MYO16: variants seen among roughly 807,000 people sequenced by gnomAD.
The protein encoded by MYO16 is unconventional myosin-XVI.
Under a neutral mutation model 205.3 loss-of-function variants are expected in MYO16, and 94 were observed. The observed-to-expected ratio is 0.46, with a 90% CI of 0.39 to 0.54. MYO16 has a LOEUF of 0.54. Ranked by LOEUF, MYO16 falls within the 20% of genes least tolerant of loss-of-function variation. MYO16 has a pLI of 0.00. For synonymous variants in MYO16, 988 were observed against 954.0 expected (o/e 1.04, Z -0.66); for missense variants, 2,315 against 2,387.5 (o/e 0.97, Z 0.63).
intron 21 of MYO16, among the ~76,000 whole-genome samples, chr13:109,000,610 C>T (rs919726851): frequency 1.3e-5 from 2 of 151,978 alleles, no homozygotes; most frequent in African/African-American, 2.4e-5. Context: ...TATTACTAAA[C>T]AAGAAAACAA....
chr13:108,853,135 A>G (rs561516986), intron 10 of MYO16, among the ~76,000 whole-genome samples: 1 of 152,308 alleles, frequency 6.6e-6, no homozygotes, highest in South Asian at 2.1e-4. Flanking sequence ...AGGCAGCATC[A>G]CTTCTATGGT....
chr13:109,003,740 T>C (rs1389871805), intron 21 of MYO16, among the ~76,000 whole-genome samples: 1 of 152,162 alleles, frequency 6.6e-6, no homozygotes, highest in Non-Finnish European at 1.5e-5. Context: ...ACAATTACAG[T>C]ATCTGTTTTC....
upstream of MYO16, among the ~76,000 whole-genome samples, chr13:108,628,483 A>G (rs1043679143): frequency 1.3e-5 from 2 of 152,188 alleles, no homozygotes; most frequent in East Asian, 3.9e-4. Context: ...TTTCACATGC[A>G]TAGATGAGGA....
intron 6 of MYO16, among the ~76,000 whole-genome samples, chr13:108,802,220 T>C (rs1021214515): frequency 6.6e-6 from 1 of 152,154 alleles, no homozygotes; most frequent in African/African-American, 2.4e-5. Context: ...TTCGAACCCT[T>C]CGACCAACAA....
intron 4 of MYO16, among the ~76,000 whole-genome samples, chr13:108,780,626 C>T (rs78130216): frequency 0.011 from 1,671 of 152,198 alleles, 28 homozygotes; most frequent in African/African-American, 0.038. Flanking sequence ...AAAGAATTGC[C>T]GTACAAATTA....
chr13:108,596,564 T>A (rs1037412487), intron 1 of MYO16, among the ~76,000 whole-genome samples: 3 of 152,224 alleles, frequency 2.0e-5, no homozygotes, highest in Non-Finnish European at 2.9e-5. Flanking sequence ...AAAGTGATTT[T>A]TTTCAGGTAT....
chr13:108,830,897 A>G (rs987389159), intron 9 of MYO16, among the ~76,000 whole-genome samples: 8 of 152,178 alleles, frequency 5.3e-5, no homozygotes, highest in African/African-American at 1.4e-4. Context: ...AGAACTGTCT[A>G]TTCAGTCCAT....
upstream of MYO16, among the ~76,000 whole-genome samples, chr13:108,593,018 G>C (rs549699991): frequency 6.6e-6 from 1 of 151,986 alleles, no homozygotes; most frequent in African/African-American, 2.4e-5. Context: ...CCTAGTGTTC[G>C]TCCCTGTGAG....
intron 16 of MYO16, among the ~76,000 whole-genome samples, chr13:108,928,431 CATATA>C (rs1882106560): frequency 6.6e-6 from 1 of 152,146 alleles, no homozygotes; most frequent in Admixed American, 6.5e-5. Flanking sequence ...TGTATAATTA[CATATA>C]ATAAAATGGT....
At chr13:108,602,274 C>A (rs957082794) in intron 1 of MYO16, among the ~76,000 whole-genome samples, 2 of 152,038 alleles carry the variant, frequency 1.3e-5, no homozygotes, top group African/African-American at 4.8e-5. Context: ...GACTGAGGCA[C>A]CACCCACACA....
intron 27 of MYO16, among the ~76,000 whole-genome samples, chr13:109,080,513 A>G (rs1888250003): frequency 6.6e-6 from 1 of 151,992 alleles, no homozygotes; most frequent in Non-Finnish European, 1.5e-5. Flanking sequence ...TAATGACCAC[A>G]TGGTCAAAAA....
chr13:108,670,638 A>C (rs1306891783), intron 2 of MYO16, among the ~76,000 whole-genome samples: 1 of 152,218 alleles, frequency 6.6e-6, no homozygotes, highest in Admixed American at 6.5e-5. Flanking sequence ...AAGATATAAA[A>C]AATAAGAACT....
intron 32 of MYO16, among the ~76,000 whole-genome samples, chr13:109,154,911 G>GAAAAAAAAAAAAAAAAAAAAAAA (rs59465499): frequency 1.6e-5 from 1 of 62,666 alleles, no homozygotes; most frequent in African/African-American, 6.2e-5. Context: ...GGCTAATTAT[G>GAAAAAAAAAAAAAAAAAAAAAAA]AAAAAAAAAA....
intron 27 of MYO16, among the ~76,000 whole-genome samples, chr13:109,099,773 C>T (rs1410026699): frequency 6.6e-6 from 1 of 152,200 alleles, no homozygotes; most frequent in Non-Finnish European, 1.5e-5. Context: ...ACTCCCACTA[C>T]TTGCTCTGAG....
chr13:108,657,469 A>G (rs1369927470), intron 1 of MYO16, among the ~76,000 whole-genome samples: 1 of 152,234 alleles, frequency 6.6e-6, no homozygotes, highest in Non-Finnish European at 1.5e-5. Context: ...TATCTGCAGC[A>G]TATTTCGAGA....
intron 1 of MYO16, among the ~76,000 whole-genome samples, chr13:108,609,738 G>A (rs9788360): frequency 0.012 from 1,837 of 152,098 alleles, 43 homozygotes; most frequent in South Asian, 0.086. Context: ...AACTGAATCC[G>A]ACACTAATCC....
At chr13:108,972,351 C>CATATATATAT (rs869041443) in intron 20 of MYO16, among the ~76,000 whole-genome samples, 7 of 17,442 alleles carry the variant, frequency 4.0e-4, no homozygotes, top group South Asian at 5.2e-3. Context: ...TATATATAGC[C>CATATATATAT]ATATATATAT....
the MYO16 span, among the ~76,000 whole-genome samples, chr13:108,502,087 T>C: frequency 2.0e-5 from 3 of 152,132 alleles, no homozygotes; most frequent in East Asian, 3.9e-4. Context: ...GTGGCACGTG[T>C]CTGTAGTCCC....
At chr13:108,521,968 T>C in the MYO16 span, among the ~76,000 whole-genome samples, 1 of 152,204 alleles carries the variant, frequency 6.6e-6, no homozygotes, top group Non-Finnish European at 1.5e-5. Context: ...TTTGTTGACT[T>C]TGCATTTCCC....
Sources: gnomAD v4.1 joint callset for allele counts (sites outside exome capture counted in the v4.1 genomes callset) on GRCh38, gnomAD v4.1.1 for gene constraint, MANE v1.5 for transcripts, NCBI Gene and HGNC (gene_info 2026-07-23, HGNC 2026-07-21) for gene names.